SPATA17: variants seen among roughly 807,000 people sequenced by gnomAD.
SPATA17 encodes the protein spermatogenesis-associated protein 17.
A neutral mutation model predicts 62.2 loss-of-function variants in SPATA17; 53 were observed. The observed-to-expected ratio is 0.85, with a 90% CI of 0.68 to 1.07. The LOEUF is 1.07. SPATA17 is among the 50% of genes least tolerant of loss of function. The pLI is 0.00. For missense variants in SPATA17, 466 were observed against 425.5 expected, an observed-to-expected ratio of 1.10 and a Z score of -0.84; for synonymous variants, 146 against 146.8, an observed-to-expected ratio of 0.99 and a Z score of 0.04.
intron 5 of SPATA17, 90 bp from the exon 6 acceptor site, chr1:217,741,885 T>C: frequency 1.4e-6 from 2 of 1,429,160 alleles, no homozygotes; most frequent in Middle Eastern, 1.8e-4. Context: ...GGATGATGGT[T>C]GCCCCTCAAA....
At chr1:217,745,562 C>T (rs1200026955) in intron 6 of SPATA17, among the ~76,000 whole-genome samples, 2 of 152,026 alleles carry the variant, frequency 1.3e-5, no homozygotes, top group Non-Finnish European at 2.9e-5. Context: ...ACTATTAATA[C>T]AAACTGTCTC....
intron 8 of SPATA17, among the ~76,000 whole-genome samples, chr1:217,790,811 A>C (rs1342561800): frequency 6.6e-6 from 1 of 152,220 alleles, no homozygotes; most frequent in Non-Finnish European, 1.5e-5. Context: ...ATGTTGTGGG[A>C]AAGGTTAAGA....
chr1:217,783,600 G>C (rs964499076), intron 8 of SPATA17, among the ~76,000 whole-genome samples: 1 of 151,990 alleles, frequency 6.6e-6, no homozygotes, highest in African/African-American at 2.4e-5. Flanking sequence ...ATAAAATTTA[G>C]TGATGATTAT....
chr1:217,688,863 C>T (rs1047714358), intron 5 of SPATA17, among the ~76,000 whole-genome samples: 3 of 149,624 alleles, frequency 2.0e-5, no homozygotes, highest in African/African-American at 7.3e-5. Context: ...CTTGAACACC[C>T]TGTCTTAATT....
chr1:217,709,409 A>T (rs1270733785), intron 5 of SPATA17, among the ~76,000 whole-genome samples: 1 of 152,124 alleles, frequency 6.6e-6, no homozygotes, highest in African/African-American at 2.4e-5. Context: ...GCTCACTCAC[A>T]TAGGCCTTAA....
chr1:217,652,481 G>C (rs145544197), intron 3 of SPATA17, among the ~76,000 whole-genome samples: 11 of 152,190 alleles, frequency 7.2e-5, no homozygotes, highest in African/African-American at 2.4e-4. Flanking sequence ...TGATCTGCCT[G>C]CCTCGGCCTC....
At chr1:217,711,128 T>C (rs1236789178) in intron 5 of SPATA17, among the ~76,000 whole-genome samples, 1 of 152,250 alleles carries the variant, frequency 6.6e-6, no homozygotes, top group Non-Finnish European at 1.5e-5. Flanking sequence ...TGAACATTCA[T>C]GTACAAGTGT....
At chr1:217,826,925 C>T (rs972536420) in intron 9 of SPATA17, among the ~76,000 whole-genome samples, 6 of 152,024 alleles carry the variant, frequency 3.9e-5, no homozygotes, top group Non-Finnish European at 1.5e-5. Context: ...TGATGGAGGA[C>T]TATATAAACT....
chr1:217,865,156 T>TA (rs1279300895), intron 10 of SPATA17, among the ~76,000 whole-genome samples: 8 of 152,056 alleles, frequency 5.3e-5, no homozygotes, highest in Non-Finnish European at 8.8e-5. Flanking sequence ...CTGCTGTTTG[T>TA]AAAAAAAGGC....
chr1:217,726,718 T>TG (rs1553369833), intron 5 of SPATA17, among the ~76,000 whole-genome samples: 9 of 84,110 alleles, frequency 1.1e-4, no homozygotes, highest in South Asian at 3.1e-4. Flanking sequence ...TTTTTGTGTG[T>TG]TTTTTTTTTC....
At position 217,749,993 on chromosome 1, in the gene SPATA17, A is replaced by C. The variant is rs1385143730; in HGVS notation, c.519+7895A>C. ...TCTCTCTCTCTCTCTCTCTATATATATATATATATATATATATATGAGGTA... is the reference window on the plus strand; with the variant it reads ...TCTCTCTCTCTCTCTCTCTATATATCTATATATATATATATATATGAGGTA... On this transcript the variant is annotated intron_variant, in intron 6 of 10. Coordinates refer to ENST00000366933, the MANE Select transcript of SPATA17 (RefSeq NM_138796.4). Among the ~76,000 whole-genome samples the C allele has an allele frequency of 8.2e-4, 77 of 93,670 alleles. 3 individuals are homozygous for C. Among genetic ancestry groups the C allele is most frequent in the African/African-American group, 1.2e-3 (32 of 27,780 alleles). The allele number at this position is 93,670 out of a possible 152,430, so 61.5% of individuals were successfully genotyped here.
At chr1:217,763,815 G>A (rs1333542894) in intron 6 of SPATA17, among the ~76,000 whole-genome samples, 2 of 152,050 alleles carry the variant, frequency 1.3e-5, no homozygotes, top group Non-Finnish European at 2.9e-5. Flanking sequence ...GGATATATGG[G>A]GTAGGGGAAA....
chr1:217,782,142 T>A (rs1673744472), intron 7 of SPATA17, 32 bp from the exon 8 acceptor site: 1 of 1,545,546 alleles, frequency 6.5e-7, no homozygotes, highest in African/African-American at 1.4e-5. Context: ...AAATCTTCCA[T>A]ATAAAATATG....
chr1:217,663,181 A>T (rs1440494734), intron 3 of SPATA17, among the ~76,000 whole-genome samples: 1 of 152,166 alleles, frequency 6.6e-6, no homozygotes, highest in Non-Finnish European at 1.5e-5. Flanking sequence ...GCAGTGGCTG[A>T]TGCCTGTAAT....
chr1:217,834,782 A>G (rs892673343), intron 9 of SPATA17, among the ~76,000 whole-genome samples: 2 of 152,172 alleles, frequency 1.3e-5, no homozygotes, highest in African/African-American at 4.8e-5. Context: ...CTAAGTGTAC[A>G]GTGTTTATAT....
intron 9 of SPATA17, among the ~76,000 whole-genome samples, chr1:217,834,961 A>G (rs1675229045): frequency 6.6e-6 from 1 of 152,112 alleles, no homozygotes; most frequent in Admixed American, 6.6e-5. Context: ...ATACATAGAT[A>G]CTTATAATAG....
chr1:217,758,770 A>G (rs899397167), intron 6 of SPATA17, among the ~76,000 whole-genome samples: 1 of 152,220 alleles, frequency 6.6e-6, no homozygotes, highest in Non-Finnish European at 1.5e-5. Flanking sequence ...GGAAGAATCA[A>G]TTGACTTGAG....
intron 3 of SPATA17, among the ~76,000 whole-genome samples, chr1:217,656,452 A>C (rs1474106909): frequency 6.6e-6 from 1 of 152,168 alleles, no homozygotes; most frequent in Non-Finnish European, 1.5e-5. Context: ...TATTTTGAAA[A>C]CAAAATCAAA....
intron 9 of SPATA17, among the ~76,000 whole-genome samples, chr1:217,820,219 A>G (rs1674825603): frequency 6.6e-6 from 1 of 152,082 alleles, no homozygotes; most frequent in South Asian, 2.1e-4. Flanking sequence ...ATCCTAAACA[A>G]TTAGTCTTTA....
Sources: gnomAD v4.1 joint callset for allele counts (sites outside exome capture counted in the v4.1 genomes callset) on GRCh38, gnomAD v4.1.1 for gene constraint, MANE v1.5 for transcripts, NCBI Gene and HGNC (gene_info 2026-07-23, HGNC 2026-07-21) for gene names.